The following ZNF727 variants were observed in gnomAD, a reference collection of about 807,000 sequenced individuals.
The protein encoded by ZNF727 is zinc finger protein 727.
ZNF727 carries 11 observed loss-of-function variants against 11.5 expected under a neutral mutation model. The observed-to-expected ratio is 0.95, with a 90% confidence interval of 0.60 to 1.58. ZNF727 has a LOEUF of 1.58. ZNF727 is among the 40% of genes most tolerant of loss of function. The probability of loss-of-function intolerance (pLI) is 0.00; values close to 1 mark genes in which losing one functional copy is unlikely to be tolerated. For synonymous variants in ZNF727, 171 were observed against 196.1 expected, an observed-to-expected ratio of 0.87 and a Z score of 1.07; for missense variants, 533 against 581.7, an observed-to-expected ratio of 0.92 and a Z score of 0.86.
chr7:64,066,010 C>A (rs1789860255), intron 1 of ZNF727, among the ~76,000 whole-genome samples: 1 of 152,122 alleles, frequency 6.6e-6, no homozygotes, highest in Admixed American at 6.5e-5. Flanking sequence ...GTTTAGCTTC[C>A]ATTAAATCTG....
At position 64,078,736 on chromosome 7, in the gene ZNF727, C is replaced by T. The variant is rs1317412444; in HGVS notation, c.*187C>T. On this transcript the variant is annotated 3_prime_UTR_variant, in exon 4 of 4. Transcript: ENST00000456806. ...AAGAGAATTCATATGGAAGAGAGAC[C>T]TTACAAATGTGAAGAATGCGGCAAA... Among the ~76,000 whole-genome samples, 1 of 151,972 alleles carries T rather than the reference C, an allele frequency of 6.6e-6. No homozygotes were observed. The highest frequency in any genetic ancestry group is 1.5e-5 in the Non-Finnish European group (1 of 67,980).
rs756778484 is a variant in ZNF727 at position 64,083,118 on chromosome 7, T to C, written c.*4569T>C. Among the ~76,000 whole-genome samples the C allele has an allele frequency of 5.3e-5, 8 of 152,158 alleles. No individual in the cohort carries two copies. Among genetic ancestry groups the C allele is most frequent in the Non-Finnish European group, 8.8e-5 (6 of 68,018 alleles). The stretch of plus-strand genomic sequence containing the variant: ...CTGTGGTGGTAGCTGGAGACCCTGG[T>C]TGGGAACTGCTTTGCAGTGAGGAGG... On this transcript the variant is annotated 3_prime_UTR_variant, in exon 4 of 4. Coordinates refer to ENST00000456806, the MANE Select transcript of ZNF727 (RefSeq NM_001159522.3).
rs1785697091 is a variant in ZNF727, at chr7:64,077,600, T to C, written c.551T>C (p.Leu184Ser). Residue 184 changes from leucine (L) to serine (S), a missense_variant, in exon 4 of 4, where the codon TTG becomes TCG. This residue lies in a region of ZNF727 where 463 missense variants were observed against 494.5 expected (regional missense o/e 0.94). Coordinates refer to ENST00000456806, the MANE Select transcript of ZNF727 (RefSeq NM_001159522.3). Reference protein sequence around the residue: ...KCEECGKDCRLSDFTIQKRIH... With the variant: ...KCEECGKDCRSSDFTIQKRIH... ...GAAGAATGTGGCAAAGACTGTAGGT[T>C]GTCAGATTTTACCATACAGAAGAGA... The C allele has an allele frequency of 2.6e-6, 4 of 1,551,248 alleles. No individual in the cohort carries two copies. Among genetic ancestry groups the C allele is most frequent in the Non-Finnish European group, 3.5e-6 (4 of 1,146,784 alleles).
intron 1 of ZNF727, among the ~76,000 whole-genome samples, chr7:64,049,587 A>G (rs780758552): frequency 7.9e-5 from 12 of 151,914 alleles, no homozygotes; most frequent in Non-Finnish European, 1.6e-4. Flanking sequence ...CATGTAGTAA[A>G]CATTTAGAAA....
Position 64,082,376 on chromosome 7 carries a change from C to A in ZNF727, c.*3827C>A, listed in dbSNP as rs1176038503. 2.0e-5 allele frequency among the ~76,000 whole-genome samples: 3 copies of A among 152,092 alleles called. No individual in the cohort carries two copies. The highest frequency in any genetic ancestry group is 7.2e-5 in the African/African-American group (3 of 41,450). On this transcript the variant is annotated 3_prime_UTR_variant, in exon 4 of 4. Coordinates refer to ENST00000456806, the MANE Select transcript of ZNF727 (RefSeq NM_001159522.3). ...CTGGGTGTCCACTGCAGTTTCTAGT[C>A]ACCTCAGATTTTCCAGTACCTGACA...
In ZNF727 at chr7:64,046,379, A is replaced by G. The variant is rs1309938166; in HGVS notation, c.3+755A>G. 2.0e-5 allele frequency among the ~76,000 whole-genome samples: 3 copies of G among 152,012 alleles called. 1 individual carries two copies. The highest frequency in any genetic ancestry group is 6.8e-3 in the Middle Eastern group (2 of 294). On this transcript the variant is annotated intron_variant, in intron 1 of 3. Transcript: ENST00000456806. ...TAGTTTCGAAGTGTTTTCCAGCCCA[A>G]CTCTCCTATTTAAATGTAATACCCC...
chr7:64,075,964 T>C (rs1272778239), intron 3 of ZNF727, among the ~76,000 whole-genome samples: 6 of 152,242 alleles, frequency 3.9e-5, no homozygotes, highest in African/African-American at 1.4e-4. Flanking sequence ...CTATCTAGAA[T>C]AATTATTTTT....
chr7:64,052,708 GA>G (rs1304318808), intron 1 of ZNF727, among the ~76,000 whole-genome samples: 1 of 152,212 alleles, frequency 6.6e-6, no homozygotes, highest in East Asian at 1.9e-4. Flanking sequence ...GCCAGCCTAT[GA>G]AAGCAGCCAG....
chr7:64,059,386 A>G (rs908576056), intron 1 of ZNF727, among the ~76,000 whole-genome samples: 5 of 152,206 alleles, frequency 3.3e-5, no homozygotes, highest in Non-Finnish European at 5.9e-5. Context: ...CTTGTATAGA[A>G]ACTTGTAGTC....
At position 64,045,610 on chromosome 7, in the gene ZNF727, G is replaced by T. The variant is rs1317604644; in HGVS notation, c.-12G>T. 1.3e-6 allele frequency: 2 copies of T among 1,557,710 alleles called. No homozygotes were observed. Among genetic ancestry groups the T allele is most frequent in the East Asian group, 2.4e-5 (1 of 41,394 alleles). ...CCATAGGGAAGAAGGCGGAACATCCGGAGGCTGGGAAATGGTGAGTGCGCG... is the reference window on the plus strand; with the variant it reads ...CCATAGGGAAGAAGGCGGAACATCCTGAGGCTGGGAAATGGTGAGTGCGCG... On this transcript the variant is annotated 5_prime_UTR_variant, in exon 1 of 4. Transcript: ENST00000456806.
At chr7:64,051,797 T>G (rs1020866528) in intron 1 of ZNF727, among the ~76,000 whole-genome samples, 4 of 152,236 alleles carry the variant, frequency 2.6e-5, no homozygotes, top group African/African-American at 9.6e-5. Flanking sequence ...CTTTGAAATC[T>G]CTTACTAGAA....
chr7:64,070,096 T>C (rs554165298), intron 3 of ZNF727, among the ~76,000 whole-genome samples: 2 of 152,124 alleles, frequency 1.3e-5, no homozygotes, highest in Non-Finnish European at 2.9e-5. Flanking sequence ...TCCTGCTTTA[T>C]AATTTTCTAT....
chr7:64,072,127 A>G (rs1249092135), intron 3 of ZNF727, among the ~76,000 whole-genome samples: 1 of 152,130 alleles, frequency 6.6e-6, no homozygotes, highest in Non-Finnish European at 1.5e-5. Flanking sequence ...AAATTGTACT[A>G]AAATTTTAAT....
At chr7:64,056,965 C>T (rs1408501861) in intron 1 of ZNF727, among the ~76,000 whole-genome samples, 1 of 152,016 alleles carries the variant, frequency 6.6e-6, no homozygotes, top group East Asian at 1.9e-4. Context: ...TAAATTCTAA[C>T]CAATTATAGC....
At chr7:64,073,686 G>A (rs972970202) in intron 3 of ZNF727, among the ~76,000 whole-genome samples, 13 of 152,042 alleles carry the variant, frequency 8.6e-5, no homozygotes, top group African/African-American at 2.4e-4. Flanking sequence ...ACTGGCTATA[G>A]CAATGGGCCG....
rs181973135 is a variant in ZNF727, at chr7:64,054,115, G to A, written c.3+8491G>A. On this transcript the variant is annotated intron_variant, in intron 1 of 3. Coordinates refer to ENST00000456806, the MANE Select transcript of ZNF727 (RefSeq NM_001159522.3). ...GTATATGCAGAGGCTCTCTCAGTAAGTAGCTGTTTTGGGCTGGCTTCTGCT... is the reference window on the plus strand; with the variant it reads ...GTATATGCAGAGGCTCTCTCAGTAAATAGCTGTTTTGGGCTGGCTTCTGCT... Among the ~76,000 whole-genome samples, 246 of 152,318 alleles carry A rather than the reference G, an allele frequency of 1.6e-3. 1 individual carries two copies. The highest frequency in any genetic ancestry group is 5.7e-3 in the African/African-American group (236 of 41,570).
In ZNF727 at chr7:64,081,070, A is replaced by G. The variant is rs1297886356; in HGVS notation, c.*2521A>G. On this transcript the variant is annotated 3_prime_UTR_variant, in exon 4 of 4. Coordinates refer to ENST00000456806, the MANE Select transcript of ZNF727 (RefSeq NM_001159522.3). ...TTGGAGTCTGCCACTCTGTGGGACT[A>G]AGGTGCCACAGCTGCTGCAGAGTGC... Among the ~76,000 whole-genome samples the G allele has an allele frequency of 2.0e-5, 3 of 151,858 alleles. No individual in the cohort carries two copies. Among genetic ancestry groups the G allele is most frequent in the African/African-American group, 7.3e-5 (3 of 41,338 alleles).
At chr7:64,059,133 C>T (rs775537636) in intron 1 of ZNF727, among the ~76,000 whole-genome samples, 6 of 151,940 alleles carry the variant, frequency 3.9e-5, no homozygotes, top group African/African-American at 1.2e-4. Flanking sequence ...TTAATAGAGA[C>T]GGGGTTTCAC....
At chr7:64,071,138 T>G (rs1295584183) in intron 3 of ZNF727, among the ~76,000 whole-genome samples, 1 of 152,100 alleles carries the variant, frequency 6.6e-6, no homozygotes, top group Non-Finnish European at 1.5e-5. Context: ...AGAAATGAGA[T>G]AGCTAAATTG....
Sources: allele counts gnomAD v4.1 joint callset (sites outside exome capture counted in the v4.1 genomes callset), GRCh38; gene constraint gnomAD v4.1.1; regional missense constraint gnomAD v4.1.1; transcripts MANE v1.5; gene names NCBI Gene and HGNC (gene_info 2026-07-23, HGNC 2026-07-21).